Variants in KCND3 observed in about 807,000 individuals in gnomAD.
The protein encoded by KCND3 is potassium voltage-gated channel subfamily D member 3.
KCND3 carries 9 observed loss-of-function variants against 51.1 expected under a neutral mutation model. The ratio of observed to expected loss-of-function variants is 0.18; its 90% CI spans 0.11 to 0.31. The LOEUF (loss-of-function observed/expected upper bound fraction) is 0.31, where lower values mean the gene tolerates loss of function less well. Among genes scored for constraint, KCND3 ranks in the 10% least tolerant of loss-of-function variants. KCND3 has a pLI of 1.00. For synonymous variants in KCND3, 349 were observed against 368.0 expected (o/e 0.95, Z 0.59); for missense variants, 526 against 903.8 (o/e 0.58, Z 5.36).
At chr1:111,960,229 G>A (rs575049407) in intron 2 of KCND3, among the ~76,000 whole-genome samples, 1 of 152,204 alleles carries the variant, frequency 6.6e-6, no homozygotes, top group South Asian at 2.1e-4. Flanking sequence ...CATACCCAAT[G>A]TTGGGATCTG....
Position 111,981,293 on chromosome 1 carries a change from A to G in KCND3, c.1106+328T>C, listed in dbSNP as rs906334906. 1.5e-4 allele frequency among the ~76,000 whole-genome samples: 23 copies of G among 152,072 alleles called. No individual in the cohort carries two copies. The highest frequency in any genetic ancestry group is 3.3e-4 in the Admixed American group (5 of 15,282). On this transcript the variant is annotated intron_variant, in intron 2 of 7. Transcript: ENST00000302127. This position sits in a 1 kb window ranked among gnomAD's most constrained non-coding sequence, Gnocchi z 6.2. ...TCCCCACGCTGCCCCATATGCGCAA[A>G]TGCATATACAAATGCAGACATCACC...
intron 2 of KCND3, among the ~76,000 whole-genome samples, chr1:111,957,876 C>T (rs565225347): frequency 7.2e-5 from 11 of 152,310 alleles, no homozygotes; most frequent in South Asian, 6.2e-4. Context: ...CCCAAAATAT[C>T]GATTCTCTGT....
At position 111,929,169 on chromosome 1, in the gene KCND3, G is replaced by A. The variant is rs141208136; in HGVS notation, c.1106+52452C>T. Reference sequence around the variant, plus strand: ...GGTATTCTCACACCAACCAGCCCACGCCCAGACCTTGCCTGCCTTGTCCCA... The same window carrying A: ...GGTATTCTCACACCAACCAGCCCACACCCAGACCTTGCCTGCCTTGTCCCA... On this transcript the variant is annotated intron_variant, in intron 2 of 7. Transcript: ENST00000302127. 1.6e-4 allele frequency among the ~76,000 whole-genome samples: 24 copies of A among 152,250 alleles called. No individual in the cohort carries two copies. The East Asian group carries it at 3.5e-3, about 22-fold the overall frequency.
chr1:111,869,259 G>A (rs1668729430), intron 2 of KCND3, among the ~76,000 whole-genome samples: 1 of 152,136 alleles, frequency 6.6e-6, no homozygotes, highest in Admixed American at 6.5e-5. Context: ...GGCTATACAA[G>A]CTGTCAGAAT....
intron 2 of KCND3, among the ~76,000 whole-genome samples, chr1:111,811,686 C>T (rs1665857793): frequency 6.6e-6 from 1 of 152,208 alleles, no homozygotes; most frequent in Non-Finnish European, 1.5e-5. Context: ...TCCTGTAGCA[C>T]CCATAGTCAG....
At chr1:111,878,376 G>A (rs928995953) in intron 2 of KCND3, among the ~76,000 whole-genome samples, 6 of 152,224 alleles carry the variant, frequency 3.9e-5, no homozygotes, top group Non-Finnish European at 7.3e-5. Flanking sequence ...GAGTACAGGG[G>A]AGACATGGGG....
chr1:111,923,571 G>GA (rs1271962243), intron 2 of KCND3, among the ~76,000 whole-genome samples: 1 of 152,218 alleles, frequency 6.6e-6, no homozygotes, highest in Non-Finnish European at 1.5e-5. Context: ...GGGCTGGTGA[G>GA]AGGGAGTGTG....
At chr1:111,893,290 G>C (rs547058671) in intron 2 of KCND3, among the ~76,000 whole-genome samples, 3 of 152,304 alleles carry the variant, frequency 2.0e-5, no homozygotes, top group African/African-American at 7.2e-5. Flanking sequence ...GTGGGGTCTG[G>C]GACACTTGAC....
At chr1:111,858,988 C>T (rs1375171596) in intron 2 of KCND3, among the ~76,000 whole-genome samples, 1 of 152,182 alleles carries the variant, frequency 6.6e-6, no homozygotes, top group Non-Finnish European at 1.5e-5. Flanking sequence ...CCTTCTGGGA[C>T]CAGCAGCACA....
intron 2 of KCND3, among the ~76,000 whole-genome samples, chr1:111,947,176 C>G (rs1312554536): frequency 6.6e-6 from 1 of 152,130 alleles, no homozygotes; most frequent in Non-Finnish European, 1.5e-5. Flanking sequence ...CAGGACTAGT[C>G]CCTTTCTCCA....
rs148807299 is a variant in KCND3 at position 111,880,052 on chromosome 1, G to A, written c.1107-92946C>T. ...ATTGAATGAAATTATACATGTATAT[G>A]TAGTGAATGGTTAACCTATAGTAGC... On this transcript the variant is annotated intron_variant, in intron 2 of 7. Transcript: ENST00000302127. Among the ~76,000 whole-genome samples, 701 of 152,306 alleles carry A rather than the reference G, an allele frequency of 4.6e-3. 3 individuals are homozygous for A. The highest frequency in any genetic ancestry group is 0.016 in the African/African-American group (653 of 41,558).
chr1:111,867,958 T>C (rs947573758), intron 2 of KCND3, among the ~76,000 whole-genome samples: 4 of 152,204 alleles, frequency 2.6e-5, no homozygotes, highest in Admixed American at 6.5e-5. Flanking sequence ...CAGAGCCTCA[T>C]TGGTCAGATG....
rs140945982 is a variant in KCND3, at chr1:111,891,515, C to A, written c.1106+90106G>T. On this transcript the variant is annotated intron_variant, in intron 2 of 7. Transcript: ENST00000302127. ...GCACAAATGCACAGACGGTATGTGCCCTCCCTCAGCTCCCGAAGGGCATCC... is the reference window on the plus strand; with the variant it reads ...GCACAAATGCACAGACGGTATGTGCACTCCCTCAGCTCCCGAAGGGCATCC... Among the ~76,000 whole-genome samples, 438 of 152,188 alleles carry A rather than the reference C, an allele frequency of 2.9e-3. 3 individuals are homozygous for A. Among genetic ancestry groups the A allele is most frequent in the African/African-American group, 0.01 (420 of 41,492 alleles).
At chr1:111,852,862 C>T (rs141032629) in intron 2 of KCND3, among the ~76,000 whole-genome samples, 151 of 152,300 alleles carry the variant, frequency 9.9e-4, no homozygotes, top group African/African-American at 3.5e-3. Context: ...TCTTCAGCTC[C>T]GCTCTGCCCG....
intron 3 of KCND3, among the ~76,000 whole-genome samples, chr1:111,781,119 TCA>T (rs1399633257): frequency 6.6e-6 from 1 of 152,200 alleles, no homozygotes; most frequent in African/African-American, 2.4e-5. Context: ...GTTGTGCTCC[TCA>T]GTTTTCTTAT....
At chr1:111,828,466 C>A (rs1156792348) in intron 2 of KCND3, among the ~76,000 whole-genome samples, 1 of 152,040 alleles carries the variant, frequency 6.6e-6, no homozygotes, top group African/African-American at 2.4e-5. Context: ...ACCCTTTGCC[C>A]TAGTTAGGCC....
At chr1:111,850,200 C>T (rs546095851) in intron 2 of KCND3, among the ~76,000 whole-genome samples, 1 of 152,340 alleles carries the variant, frequency 6.6e-6, no homozygotes, top group African/African-American at 2.4e-5. Flanking sequence ...CTAGTCCTAA[C>T]AGGCCCTGCA....
chr1:111,964,894 A>G (rs564733454), intron 2 of KCND3, among the ~76,000 whole-genome samples: 4 of 152,064 alleles, frequency 2.6e-5, no homozygotes, highest in Non-Finnish European at 5.9e-5. Context: ...CCTGTCATCC[A>G]GTTCATCTGG....
intron 2 of KCND3, among the ~76,000 whole-genome samples, chr1:111,873,980 T>C (rs1668942074): frequency 6.6e-6 from 1 of 152,070 alleles, no homozygotes; most frequent in Admixed American, 6.5e-5. Flanking sequence ...TATACCCAGG[T>C]GGATTACACA....
Sources: allele counts gnomAD v4.1 joint callset (sites outside exome capture counted in the v4.1 genomes callset), GRCh38; gene constraint gnomAD v4.1.1; non-coding constraint Gnocchi (gnomAD v3.1); transcripts MANE v1.5; gene names NCBI Gene and HGNC (gene_info 2026-07-23, HGNC 2026-07-21).